The following ATP2B3 variants were observed in gnomAD, a reference collection of about 807,000 sequenced individuals.
ATP2B3 encodes the protein plasma membrane calcium-transporting ATPase 3.
Under a neutral mutation model 70.8 loss-of-function variants are expected in ATP2B3, and 12 were observed. The observed-to-expected ratio is 0.17, with a 90% CI of 0.11 to 0.27. ATP2B3 has a LOEUF of 0.27. Ranked by LOEUF, ATP2B3 falls within the 10% of genes least tolerant of loss-of-function variation. The pLI, the probability that ATP2B3 is intolerant of heterozygous loss-of-function variation, is 1.00. For synonymous variants in ATP2B3, 460 were observed against 497.8 expected, an observed-to-expected ratio of 0.92 and a Z score of 1.01; for missense variants, 858 against 1,118.5, an observed-to-expected ratio of 0.77 and a Z score of 3.32.
At position 153,543,198 on chromosome X, in the gene ATP2B3, G is replaced by T. The variant is rs782154847; in HGVS notation, c.916+30G>T. 7.2e-5 allele frequency: 85 copies of T among 1,187,709 alleles called. No individual in the cohort carries two copies. The South Asian group carries it at 1.5e-3, about 21-fold the overall frequency. ...CGCAGCAGTGCCGCCAGTCCCTGGT[G>T]CTGGTGGCGGCTCCTTCCACGCTGC... On this transcript the variant is annotated intron_variant, in intron 7 of 21. Transcript: ENST00000263519.
At chrX:153,559,511 A>G (rs1371179662) in intron 17 of ATP2B3, 1 of 424,759 alleles carries the variant, frequency 2.4e-6, no homozygotes, top group Non-Finnish European at 4.1e-6. Flanking sequence ...TTTGGAGCAC[A>G]CCTGCTGCCA....
chrX:153,527,153 G>A (rs1197671877), intron 2 of ATP2B3, among the ~76,000 whole-genome samples: 2 of 112,812 alleles, frequency 1.8e-5, no homozygotes, highest in Non-Finnish European at 3.8e-5. Flanking sequence ...ATTGGAAGCG[G>A]GCTGGGACGG....
At chrX:153,539,537 C>T (rs1232566622) in intron 3 of ATP2B3, among the ~76,000 whole-genome samples, 2 of 113,478 alleles carry the variant, frequency 1.8e-5, no homozygotes, top group Non-Finnish European at 3.7e-5. Flanking sequence ...GTCTTGTGTG[C>T]CTTCCCAGAC....
At chrX:153,540,553 G>A (rs1361673594) in intron 3 of ATP2B3, among the ~76,000 whole-genome samples, 2 of 112,010 alleles carry the variant, frequency 1.8e-5, no homozygotes, top group Non-Finnish European at 3.8e-5. Context: ...GCAGCCACAG[G>A]CACCCTGGAG....
intron 16 of ATP2B3, among the ~76,000 whole-genome samples, chrX:153,557,475 C>G (rs2090556129): frequency 8.9e-6 from 1 of 112,349 alleles, no homozygotes; most frequent in Non-Finnish European, 1.9e-5. Flanking sequence ...GGCCCCACAG[C>G]CACTGAACGC....
intron 21 of ATP2B3, among the ~76,000 whole-genome samples, chrX:153,568,458 C>G (rs1271344218): frequency 3.6e-5 from 4 of 110,879 alleles, no homozygotes; most frequent in Non-Finnish European, 1.9e-5. Flanking sequence ...TTTGCCGCAG[C>G]GAGAGTCCTC....
chrX:153,555,387 C>T (rs2090519326), intron 13 of ATP2B3, among the ~76,000 whole-genome samples: 1 of 111,685 alleles, frequency 9.0e-6, no homozygotes, highest in Admixed American at 9.4e-5. Flanking sequence ...TCTACACTTA[C>T]CCGACGGTGC....
intron 21 of ATP2B3, among the ~76,000 whole-genome samples, chrX:153,568,334 T>C (rs1393446528): frequency 9.0e-6 from 1 of 111,311 alleles, no homozygotes; most frequent in Non-Finnish European, 1.9e-5. Context: ...TGTGGGGTGG[T>C]GGCGACTGTG....
chrX:153,554,429 G>T (rs2090505100), intron 13 of ATP2B3, among the ~76,000 whole-genome samples: 1 of 113,103 alleles, frequency 8.8e-6, no homozygotes, highest in African/African-American at 3.2e-5. Flanking sequence ...TGCCAGAGGG[G>T]CCTGGGGAAT....
chrX:153,536,027 G>A, intron 2 of ATP2B3, 95 bp from the exon 3 acceptor site: 1 of 457,809 alleles, frequency 2.2e-6, no homozygotes, highest in East Asian at 3.7e-5. Flanking sequence ...TCATGGCACA[G>A]ACTGAGTGAA....
intron 17 of ATP2B3, 116 bp from the exon 18 acceptor site, chrX:153,559,613 G>A (rs1217080648): frequency 1.6e-6 from 1 of 609,966 alleles, no homozygotes; most frequent in Non-Finnish European, 2.6e-6. Flanking sequence ...TGTTTTCATG[G>A]GCATGAAATC....
At chrX:153,558,071 C>G in intron 16 of ATP2B3, 41 bp from the exon 17 acceptor site, 1 of 1,154,405 alleles carries the variant, frequency 8.7e-7, no homozygotes, top group Non-Finnish European at 1.2e-6. Context: ...GGAAGGGGCC[C>G]CCACAAACAC....
intron 2 of ATP2B3, among the ~76,000 whole-genome samples, chrX:153,530,375 C>T (rs1316223792): frequency 9.0e-6 from 1 of 111,461 alleles, no homozygotes; most frequent in African/African-American, 3.3e-5. Context: ...CATGGGCTGC[C>T]GTAGATTAGA....
At chrX:153,554,136 C>G (rs140718236) in intron 13 of ATP2B3, among the ~76,000 whole-genome samples, 6 of 113,849 alleles carry the variant, frequency 5.3e-5, no homozygotes, top group African/African-American at 1.3e-4. Context: ...AGAGCAGCCC[C>G]GTGCCCCGAG....
At chrX:153,534,527 G>A (rs782405423) in intron 2 of ATP2B3, among the ~76,000 whole-genome samples, 293 of 112,092 alleles carry the variant, frequency 2.6e-3, no homozygotes, top group Non-Finnish European at 4.7e-3. Flanking sequence ...CTTGGCCCTC[G>A]GGCCTGCTGT....
chrX:153,574,715 C>T (rs1557020833), intron 21 of ATP2B3: 1 of 314,804 alleles, frequency 3.2e-6, no homozygotes, highest in Admixed American at 3.2e-5. Flanking sequence ...CCCTTCTCCA[C>T]CCTCATCCTC....
At chrX:153,577,078 C>A (rs2090866709) in intron 21 of ATP2B3, among the ~76,000 whole-genome samples, 1 of 112,795 alleles carries the variant, frequency 8.9e-6, no homozygotes, top group African/African-American at 3.2e-5. Flanking sequence ...GGGGGGCAGC[C>A]CTTCCATCCT....
chrX:153,523,649 A>G (rs1014725533), intron 2 of ATP2B3, among the ~76,000 whole-genome samples: 1 of 107,060 alleles, frequency 9.3e-6, no homozygotes, highest in Non-Finnish European at 1.9e-5. Flanking sequence ...TCATGTTTAT[A>G]AGTTGTCTTT....
intron 19 of ATP2B3, among the ~76,000 whole-genome samples, chrX:153,561,106 G>T (rs1424936798): frequency 8.9e-6 from 1 of 112,161 alleles, no homozygotes; most frequent in Non-Finnish European, 1.9e-5. Context: ...GGGTGAGCGC[G>T]CTGGCTTCCA....
Sources: gnomAD v4.1 joint callset for allele counts (sites outside exome capture counted in the v4.1 genomes callset) on GRCh38, gnomAD v4.1.1 for gene constraint, MANE v1.5 for transcripts, NCBI Gene and HGNC (gene_info 2026-07-23, HGNC 2026-07-21) for gene names.